Variants in COL4A1 observed in about 807,000 individuals in gnomAD.
The protein encoded by COL4A1 is collagen alpha-1(IV) chain.
COL4A1 carries 40 observed loss-of-function variants against 216.6 expected under a neutral mutation model. The observed-to-expected ratio is 0.18, with a 90% CI of 0.14 to 0.24. COL4A1 has a LOEUF of 0.24. Ranked by LOEUF, COL4A1 falls within the 10% of genes least tolerant of loss-of-function variation. COL4A1 has a pLI of 1.00. For missense variants in COL4A1, 1,628 were observed against 2,196.8 expected (o/e 0.74, Z 5.18); for synonymous variants, 839 against 810.7 (o/e 1.03, Z -0.59).
At chr13:110,289,202 T>G (rs1883978260) in intron 1 of COL4A1, among the ~76,000 whole-genome samples, 1 of 152,160 alleles carries the variant, frequency 6.6e-6, no homozygotes, top group East Asian at 1.9e-4. Flanking sequence ...AGAGGGGATT[T>G]TGATCTCAAA....
Position 110,179,518 on chromosome 13 carries a change from A to T in COL4A1, c.2194-97T>A, listed in dbSNP as rs1594553650. 11 of 1,542,966 alleles carry T rather than the reference A, an allele frequency of 7.1e-6. No individual in the cohort carries two copies. The East Asian group carries it at 2.5e-4, about 35-fold the overall frequency. ...AGTGAAGACTTAACAGATACTGCCA[A>T]TGCATTTAGTAAGAATATTATCTGC... is the stretch of plus-strand genomic sequence containing the variant. On this transcript the variant is annotated intron_variant, in intron 29 of 51. Coordinates refer to ENST00000375820, the MANE Select transcript of COL4A1 (RefSeq NM_001845.6).
At chr13:110,175,990 T>C (rs2139161791) in intron 36 of COL4A1, among the ~76,000 whole-genome samples, 1 of 152,252 alleles carries the variant, frequency 6.6e-6, no homozygotes, top group South Asian at 2.1e-4. Context: ...CTCACTACAA[T>C]AGACACTGAT....
chr13:110,227,507 A>C (rs1174370887), intron 2 of COL4A1, among the ~76,000 whole-genome samples: 1 of 151,918 alleles, frequency 6.6e-6, no homozygotes, highest in Non-Finnish European at 1.5e-5. Context: ...GAGAAGCTTC[A>C]CTAAGAGGCA....
In COL4A1 at chr13:110,181,374, G is replaced by C; in HGVS notation, c.2111C>G (p.Pro704Arg). The change falls in exon 29 of 52, where the codon CCT (proline) becomes CGT (arginine). Residue 704 changes from proline (P) to arginine (R), a missense_variant. Physicochemically the swap from Pro to Arg is moderately radical, Grantham distance 103 (BLOSUM62 -2). This residue lies in a region of COL4A1 where 701 missense variants were observed against 892.5 expected (regional missense o/e 0.79). Coordinates refer to ENST00000375820, the MANE Select transcript of COL4A1 (RefSeq NM_001845.6). ...AGTCCCCGGTGGCCCCATGTCTCCA[G>C]GTAAGCCGTCAACACCTGTTTTAAA... is the stretch of plus-strand genomic sequence containing the variant. ...PPGPKGVDGLPGDMGPPGTPG... is the reference protein window; with the variant it reads ...PPGPKGVDGLRGDMGPPGTPG... 6.2e-7 allele frequency: 1 copy of C among 1,613,472 alleles called. No individual in the cohort carries two copies. Among genetic ancestry groups the C allele is most frequent in the Non-Finnish European group, 8.5e-7 (1 of 1,179,760 alleles).
At chr13:110,255,080 C>A (rs1015919709) in intron 1 of COL4A1, among the ~76,000 whole-genome samples, 1 of 152,188 alleles carries the variant, frequency 6.6e-6, no homozygotes, top group East Asian at 1.9e-4. Flanking sequence ...ACACTTCCCG[C>A]GGAGGAGGTC....
Position 110,205,380 on chromosome 13 carries a change from T to G in COL4A1, c.930A>C (p.Pro310=). 11 of 1,614,098 alleles carry G rather than the reference T, an allele frequency of 6.8e-6. No homozygotes were observed. The highest frequency in any genetic ancestry group is 9.3e-6 in the Non-Finnish European group (11 of 1,180,026). ...GCGGGCCCTGGCGGCCTATGAGTCC[T>G]GGGTACCCGGGTTCACCAGGAAAAC... ...SPGFPGEPGY[P]GLIGRQGPQG... The change falls in exon 17 of 52, where the codon CCA becomes CCC. Residue 310 remains proline, a synonymous_variant. Coordinates refer to ENST00000375820, the MANE Select transcript of COL4A1 (RefSeq NM_001845.6).
intron 1 of COL4A1, among the ~76,000 whole-genome samples, chr13:110,261,229 C>T (rs1194232829): frequency 5.3e-5 from 8 of 152,274 alleles, no homozygotes; most frequent in African/African-American, 1.7e-4. Context: ...AATGGAGCCC[C>T]CACACACCGC....
At chr13:110,204,771 A>G (rs1445416178) in intron 17 of COL4A1, among the ~76,000 whole-genome samples, 2 of 152,112 alleles carry the variant, frequency 1.3e-5, no homozygotes, top group South Asian at 2.1e-4. Context: ...GTGGACCCCA[A>G]TATTACGCTT....
chr13:110,169,867 C>T, intron 42 of COL4A1, 105 bp from the exon 43 acceptor site: 2 of 1,542,722 alleles, frequency 1.3e-6, no homozygotes, highest in Admixed American at 3.4e-5. Context: ...ACTGATACAA[C>T]ACTGGACCAA....
At position 110,160,985 on chromosome 13, in the gene COL4A1, G is replaced by C. The variant is rs188109171; in HGVS notation, c.4640+207C>G. 73 of 621,764 alleles carry C rather than the reference G, an allele frequency of 1.2e-4. 1 individual carries two copies. The highest frequency in any genetic ancestry group is 6.2e-4 in the Admixed American group (23 of 37,172). The allele number at this position is 621,764 out of a possible 1,614,324, so 38.5% of individuals were successfully genotyped here. ...CGGCTTCCCAAAGTGTTGGGATTACGGGCATGAGCCACTGTGCCCAGCCAA... is the reference window on the plus strand; with the variant it reads ...CGGCTTCCCAAAGTGTTGGGATTACCGGCATGAGCCACTGTGCCCAGCCAA... On this transcript the variant is annotated intron_variant, in intron 49 of 51. Transcript: ENST00000375820.
chr13:110,272,351 T>C (rs1883274428), intron 1 of COL4A1, among the ~76,000 whole-genome samples: 1 of 152,236 alleles, frequency 6.6e-6, no homozygotes, highest in Non-Finnish European at 1.5e-5. Context: ...ATGCTGACTC[T>C]GCCTTTTCTG....
chr13:110,196,673 TGAG>T (rs1878907296), intron 21 of COL4A1, among the ~76,000 whole-genome samples: 1 of 152,254 alleles, frequency 6.6e-6, no homozygotes, highest in African/African-American at 2.4e-5. Context: ...TGATTATTTC[TGAG>T]GAGTTCTAAA....
At chr13:110,193,039 T>C in intron 22 of COL4A1, 126 bp from the exon 23 acceptor site, 1 of 824,914 alleles carries the variant, frequency 1.2e-6, no homozygotes, top group South Asian at 1.4e-5. Flanking sequence ...GTTTGCTCAG[T>C]GGCAATGGCT....
chr13:110,268,222 C>T lies in COL4A1; in HGVS notation c.85-25488G>A, dbSNP rs1394503057. 6.6e-6 allele frequency among the ~76,000 whole-genome samples: 1 copy of T among 152,176 alleles called. No individual in the cohort carries two copies. Among genetic ancestry groups the T allele is most frequent in the South Asian group, 2.1e-4 (1 of 4,826 alleles). On this transcript the variant is annotated intron_variant, in intron 1 of 51. Coordinates refer to ENST00000375820, the MANE Select transcript of COL4A1 (RefSeq NM_001845.6). This position sits in a 1 kb window ranked among gnomAD's most constrained non-coding sequence, Gnocchi z 4.1. ...CCAACTGTGTCCTGCCTCAGAGCAC[C>T]GGCACTGCCAGTCCAAAACCAGGAA...
chr13:110,235,658 C>CA (rs4000273), intron 2 of COL4A1, among the ~76,000 whole-genome samples: 18,532 of 129,524 alleles, frequency 0.14, 1,606 homozygotes, highest in Non-Finnish European at 0.2. Flanking sequence ...GACTCTGTCT[C>CA]AAAAAAAAAA....
chr13:110,170,641 C>A lies in COL4A1; in HGVS notation c.3648G>T (p.Gly1216=). The A allele has an allele frequency of 6.2e-7, 1 of 1,613,420 alleles. No homozygotes were observed. Among genetic ancestry groups the A allele is most frequent in the Non-Finnish European group, 8.5e-7 (1 of 1,179,700 alleles). The part of the protein sequence containing the change: ...KGEQGFMGPP[G]PQGQPGLPGS... ...CCGGTAACCCCGGCTGTCCCTGGGG[C>A]CCCGGAGGACCCATGAATCCTTGCT... Residue 1216 remains glycine, a synonymous_variant, in exon 42 of 52, where the codon GGG becomes GGT. Coordinates refer to ENST00000375820, the MANE Select transcript of COL4A1 (RefSeq NM_001845.6).
chr13:110,299,464 T>C lies in COL4A1; in HGVS notation c.84+7480A>G, dbSNP rs1164139814. Among the ~76,000 whole-genome samples, 8 of 152,334 alleles carry C rather than the reference T, an allele frequency of 5.3e-5. No homozygotes were observed. In the East Asian group the frequency reaches 1.3e-3, roughly 26 times the overall value. ...TATGCTTCTGAATTTGTCTTTAATT[T>C]AACAGAGTAGTGCCTGGCACAAAGC... On this transcript the variant is annotated intron_variant, in intron 1 of 51. Coordinates refer to ENST00000375820, the MANE Select transcript of COL4A1 (RefSeq NM_001845.6).
chr13:110,250,544 T>C (rs534453295), intron 1 of COL4A1, among the ~76,000 whole-genome samples: 191 of 152,276 alleles, frequency 1.3e-3, no homozygotes, highest in Non-Finnish European at 2.2e-3. Flanking sequence ...GCTTGGGGAA[T>C]AGGATGGCCT....
chr13:110,182,525 G>T (rs1167141637), intron 28 of COL4A1, among the ~76,000 whole-genome samples: 1 of 152,168 alleles, frequency 6.6e-6, no homozygotes, highest in Non-Finnish European at 1.5e-5. Flanking sequence ...AGGGGGAAAA[G>T]AAATTCCCTC....
Sources: allele counts gnomAD v4.1 joint callset (sites outside exome capture counted in the v4.1 genomes callset), GRCh38; gene constraint gnomAD v4.1.1; regional missense constraint gnomAD v4.1.1; non-coding constraint Gnocchi (gnomAD v3.1); transcripts MANE v1.5; gene names NCBI Gene and HGNC (gene_info 2026-07-23, HGNC 2026-07-21).